Variants in CEP192 observed in about 807,000 individuals in gnomAD.
The protein encoded by CEP192 is centrosomal protein 192, also known as centrosomal protein of 192 kDa.
CEP192 carries 151 observed loss-of-function variants against 271.8 expected under a neutral mutation model. The observed-to-expected ratio is 0.56, with a 90% CI of 0.49 to 0.64. The LOEUF (loss-of-function observed/expected upper bound fraction) is 0.64, where lower values mean the gene tolerates loss of function less well. CEP192 is among the 30% of genes least tolerant of loss of function. The pLI, the probability that CEP192 is intolerant of heterozygous loss-of-function variation, is 0.00. For synonymous variants in CEP192, 995 were observed against 1,076.5 expected (o/e 0.92, Z 1.48); for missense variants, 2,910 against 3,020.5 (o/e 0.96, Z 0.86).
rs1226464317 is a variant in CEP192, at chr18:13,038,351, A to T, written c.1600-19A>T. 6.5e-7 allele frequency: 1 copy of T among 1,539,220 alleles called. No individual in the cohort carries two copies. The highest frequency in any genetic ancestry group is 8.8e-7 in the Non-Finnish European group (1 of 1,135,988). Reference sequence around the variant, plus strand: ...TGACTTGCTGGGGGAAAGAAACGAAACAATAACTTTCTCCCTAGGAAGAAA... The same window carrying T: ...TGACTTGCTGGGGGAAAGAAACGAATCAATAACTTTCTCCCTAGGAAGAAA... On this transcript the variant is annotated intron_variant, in intron 12 of 44. Coordinates refer to ENST00000506447, the MANE Select transcript of CEP192 (RefSeq NM_032142.4).
At chr18:13,047,360 T>C (rs113406234) in intron 15 of CEP192, among the ~76,000 whole-genome samples, 4 of 150,850 alleles carry the variant, frequency 2.7e-5, no homozygotes, top group Admixed American at 6.6e-5. Flanking sequence ...CCCTCAAACA[T>C]ACACACACAC....
chr18:13,045,750 T>C (rs938280149), intron 15 of CEP192, among the ~76,000 whole-genome samples: 1 of 152,226 alleles, frequency 6.6e-6, no homozygotes, highest in Admixed American at 6.5e-5. Flanking sequence ...ATTGTTTTGG[T>C]GCATAAAAAT....
At position 13,067,852 on chromosome 18, in the gene CEP192, G is replaced by T. The variant is rs781737824; in HGVS notation, c.4510G>T (p.Val1504Phe). ...VIEVETEKKDVLDFGDLTYGG... is the reference protein window; with the variant it reads ...VIEVETEKKDFLDFGDLTYGG... ...TTAGGTAGAAACAGAAAAGAAAGACGTTCTTGATTTTGGTGACTTGACTTA... is the reference window on the plus strand; with the variant it reads ...TTAGGTAGAAACAGAAAAGAAAGACTTTCTTGATTTTGGTGACTTGACTTA... Residue 1504 changes from valine to phenylalanine, a missense_variant, in exon 22 of 45, where the codon GTT becomes TTT. By Grantham distance (50) the Val-to-Phe change is conservative. Coordinates refer to ENST00000506447, the MANE Select transcript of CEP192 (RefSeq NM_032142.4). 4 of 1,610,490 alleles carry T rather than the reference G, an allele frequency of 2.5e-6. No individual in the cohort carries two copies. The highest frequency in any genetic ancestry group is 3.4e-6 in the Non-Finnish European group (4 of 1,177,570).
chr18:13,092,495 G>C lies in CEP192; in HGVS notation c.6222G>C (p.Gln2074His), dbSNP rs770229571. The C allele has an allele frequency of 5.0e-6, 8 of 1,608,528 alleles. No homozygotes were observed. The highest frequency in any genetic ancestry group is 2.5e-6 in the Non-Finnish European group (3 of 1,177,944). The change falls in exon 34 of 45, where the codon CAG becomes CAC. Residue 2074 changes from glutamine to histidine, a missense_variant. Physicochemically the swap from Gln to His is conservative, Grantham distance 24 (BLOSUM62 0). Transcript: ENST00000506447. ...GCATTTCTAGCAGAGAATTCCTTCA[G>C]CCTTCTTCCAAAGCTAGCTTGGAAT... The part of the protein sequence containing the change: ...RDCISSREFL[Q>H]PSSKASLEST...
Position 13,049,636 on chromosome 18 carries a change from C to T in CEP192, c.2845C>T (p.His949Tyr). ...CVSEISNSEK[H>Y]VTFENHRIVS... is the part of the protein sequence containing the mutation. ...CAGTGAAATAAGCAACAGTGAGAAG[C>T]ATGTGACTTTTGAAAACCATCGCAT... The change falls in exon 16 of 45, where the codon CAT (histidine) becomes TAT (tyrosine). Residue 949 changes from histidine to tyrosine, a missense_variant. His to Tyr is a moderately conservative substitution (Grantham distance 83). Coordinates refer to ENST00000506447, the MANE Select transcript of CEP192 (RefSeq NM_032142.4). 1.2e-6 allele frequency: 2 copies of T among 1,612,524 alleles called. No homozygotes were observed. The highest frequency in any genetic ancestry group is 1.7e-6 in the Non-Finnish European group (2 of 1,179,442).
At position 13,049,437 on chromosome 18, in the gene CEP192, T is replaced by C; in HGVS notation, c.2646T>C (p.Cys882=). The C allele has an allele frequency of 6.2e-7, 1 of 1,614,102 alleles. No individual in the cohort carries two copies. Residue 882 remains cysteine, a synonymous_variant, in exon 16 of 45, where the codon TGT becomes TGC. Coordinates refer to ENST00000506447, the MANE Select transcript of CEP192 (RefSeq NM_032142.4). ...GTGCAGTAGTTGATGTGAAGACATG[T>C]TCCATTGACAACAAATTACAAGATG... The part of the protein sequence containing the change: ...NNSAVVDVKT[C]SIDNKLQDVG...
At position 13,067,820 on chromosome 18, in the gene CEP192, T is replaced by C; in HGVS notation, c.4489-11T>C. ...GCTTTTCATAAATCATTCCCTTTTTTTGATAATTAGGTAGAAACAGAAAAG... is the reference window on the plus strand; with the variant it reads ...GCTTTTCATAAATCATTCCCTTTTTCTGATAATTAGGTAGAAACAGAAAAG... On this transcript the variant is annotated splice_polypyrimidine_tract_variant and intron_variant, in intron 21 of 44. Coordinates refer to ENST00000506447, the MANE Select transcript of CEP192 (RefSeq NM_032142.4). 1 of 1,598,554 alleles carries C rather than the reference T, an allele frequency of 6.3e-7. No individual in the cohort carries two copies. The highest frequency in any genetic ancestry group is 8.6e-7 in the Non-Finnish European group (1 of 1,167,874).
rs78076207 is a variant in CEP192 at position 13,111,824 on chromosome 18, A to T, written c.7048-1762A>T. On this transcript the variant is annotated intron_variant, in intron 40 of 44. Transcript: ENST00000506447. ...AAGTGAGCAGAGGATTTGAATAGAC[A>T]TTTTCCCAAAGAAAACATACAAGTG... Among the ~76,000 whole-genome samples, 1,512 of 152,328 alleles carry T rather than the reference A, an allele frequency of 9.9e-3. 24 individuals carry two copies. The highest frequency in any genetic ancestry group is 0.034 in the African/African-American group (1,394 of 41,576).
chr18:13,001,616 TA>T, intron 3 of CEP192, 34 bp downstream of exon 3: 1 of 1,519,300 alleles, frequency 6.6e-7, no homozygotes, highest in Non-Finnish European at 8.8e-7. Flanking sequence ...TGTACTGTGT[TA>T]AAAGTGGGTC....
intron 37 of CEP192, among the ~76,000 whole-genome samples, chr18:13,100,030 T>C (rs1454792512): frequency 6.6e-6 from 1 of 152,192 alleles, no homozygotes; most frequent in Non-Finnish European, 1.5e-5. Context: ...AATTTTTCCA[T>C]AGTGATCAGA....
chr18:13,012,190 C>T (rs1268123783), intron 4 of CEP192, among the ~76,000 whole-genome samples: 1 of 152,152 alleles, frequency 6.6e-6, no homozygotes, highest in African/African-American at 2.4e-5. Context: ...TATAGTGTTT[C>T]ATTTTGGAAT....
Position 13,017,312 on chromosome 18 carries a change from G to T in CEP192, c.765G>T (p.Lys255Asn). The stretch of plus-strand genomic sequence containing the variant: ...CAGAACCTCCAGAAAAAGGTTTTAA[G>T]TTACCTACAAATGGTCTTAGACAGG... ...EGPEPPEKGFKLPTNGLRQAN... is the reference protein window; with the variant it reads ...EGPEPPEKGFNLPTNGLRQAN... The change falls in exon 7 of 45, where the codon AAG becomes AAT. Residue 255 changes from lysine to asparagine, a missense_variant. By Grantham distance (94) the Lys-to-Asn change is moderately conservative. Coordinates refer to ENST00000506447, the MANE Select transcript of CEP192 (RefSeq NM_032142.4). 6.5e-7 allele frequency: 1 copy of T among 1,545,954 alleles called. No homozygotes were observed. Among genetic ancestry groups the T allele is most frequent in the Middle Eastern group, 1.7e-4 (1 of 5,848 alleles).
At position 13,002,903 on chromosome 18, in the gene CEP192, T is replaced by C. The variant is rs542354071; in HGVS notation, c.290+1321T>C. On this transcript the variant is annotated intron_variant, in intron 3 of 44. Transcript: ENST00000506447. ...AGCCTTTATATATAAGTGCTTTCTT[T>C]ATATTAAAGATGTTAACCCTTGTGT... Among the ~76,000 whole-genome samples the C allele has an allele frequency of 2.0e-4, 30 of 152,316 alleles. No homozygotes were observed. In the South Asian group the frequency reaches 5.8e-3, roughly 29 times the overall value.
intron 12 of CEP192, among the ~76,000 whole-genome samples, chr18:13,037,598 C>T (rs1178719846): frequency 6.6e-6 from 1 of 152,188 alleles, no homozygotes; most frequent in Non-Finnish European, 1.5e-5. Flanking sequence ...TGCTGTGTCA[C>T]CCAGGCTGGA....
chr18:13,035,011 T>C (rs1459873300), intron 11 of CEP192, among the ~76,000 whole-genome samples: 1 of 152,094 alleles, frequency 6.6e-6, no homozygotes, highest in Non-Finnish European at 1.5e-5. Context: ...AGAGGATTGT[T>C]GTTTTAGGTA....
chr18:13,035,830 C>T (rs979285478), intron 11 of CEP192, among the ~76,000 whole-genome samples: 9 of 152,090 alleles, frequency 5.9e-5, no homozygotes, highest in Non-Finnish European at 1.3e-4. Context: ...TTCCTAGGTT[C>T]TGTGCTGTAG....
At chr18:13,078,396 T>C in intron 30 of CEP192, among the ~76,000 whole-genome samples, 1 of 152,210 alleles carries the variant, frequency 6.6e-6, no homozygotes, top group Non-Finnish European at 1.5e-5. Context: ...TAAACATATG[T>C]GTGCATGTGT....
At position 13,053,094 on chromosome 18, in the gene CEP192, G is replaced by C; in HGVS notation, c.3189+4G>C. ...TGATGCCCTGGAGGACCGCAAGGTG[G>C]GCAGCCACTTGGATTATTTATTACT... On this transcript the variant is annotated splice_donor_region_variant and intron_variant, in intron 18 of 44. Transcript: ENST00000506447. 6.3e-7 allele frequency: 1 copy of C among 1,595,472 alleles called. No homozygotes were observed.
At chr18:13,007,935 A>C (rs914101204) in intron 3 of CEP192, among the ~76,000 whole-genome samples, 2 of 152,130 alleles carry the variant, frequency 1.3e-5, no homozygotes, top group Non-Finnish European at 2.9e-5. Flanking sequence ...TAGACCCAAG[A>C]GCTTTTGGAG....
Sources: gnomAD v4.1 joint callset for allele counts (sites outside exome capture counted in the v4.1 genomes callset) on GRCh38, gnomAD v4.1.1 for gene constraint, MANE v1.5 for transcripts, NCBI Gene and HGNC (gene_info 2026-07-23, HGNC 2026-07-21) for gene names.